Variants in PLEKHG1 observed in about 807,000 individuals in gnomAD.
The protein encoded by PLEKHG1 is pleckstrin homology and RhoGEF domain containing G1.
PLEKHG1 carries 44 observed loss-of-function variants against 100.8 expected under a neutral mutation model. The observed-to-expected ratio is 0.44, with a 90% CI of 0.34 to 0.56. The LOEUF (loss-of-function observed/expected upper bound fraction) is 0.56. PLEKHG1 is among the 20% of genes least tolerant of loss of function. The probability of loss-of-function intolerance (pLI) is 0.01; values close to 1 mark genes in which losing one functional copy is unlikely to be tolerated. For synonymous variants in PLEKHG1, 640 were observed against 662.5 expected, an observed-to-expected ratio of 0.97 and a Z score of 0.52; for missense variants, 1,545 against 1,720.9, an observed-to-expected ratio of 0.90 and a Z score of 1.81.
chr6:150,653,887 C>T (rs1778852238), intron 3 of PLEKHG1, among the ~76,000 whole-genome samples: 1 of 152,114 alleles, frequency 6.6e-6, no homozygotes, highest in Non-Finnish European at 1.5e-5. Flanking sequence ...GGTTAGATGG[C>T]CGTAGTTGTT....
chr6:150,776,784 C>T (rs931009610), intron 3 of PLEKHG1, among the ~76,000 whole-genome samples: 3 of 151,256 alleles, frequency 2.0e-5, no homozygotes, highest in South Asian at 2.1e-4. Context: ...AATCCTGGTG[C>T]ACATGTGCGG....
intron 6 of PLEKHG1, 69 bp from the exon 8 acceptor site, chr6:150,804,541 C>A: frequency 8.1e-7 from 1 of 1,240,034 alleles, no homozygotes. Flanking sequence ...CATAGCGGTG[C>A]CATTTGTTTC....
At chr6:150,716,017 A>G (rs1781419625) in intron 3 of PLEKHG1, among the ~76,000 whole-genome samples, 1 of 148,854 alleles carries the variant, frequency 6.7e-6, no homozygotes, top group Non-Finnish European at 1.5e-5. Flanking sequence ...CTGAGGCAGG[A>G]GAATGGCGTG....
At chr6:150,768,827 C>T (rs1784574036) in intron 3 of PLEKHG1, 89 bp downstream of exon 4, 1 of 740,730 alleles carries the variant, frequency 1.4e-6, no homozygotes, top group Non-Finnish European at 2.4e-6. Flanking sequence ...TACCTGTAAC[C>T]CCTGACTCAG....
intron 3 of PLEKHG1, among the ~76,000 whole-genome samples, chr6:150,693,970 G>T (rs1237516362): frequency 6.6e-6 from 1 of 152,182 alleles, no homozygotes; most frequent in Non-Finnish European, 1.5e-5. Flanking sequence ...GTCGGTACAG[G>T]CTTTGTGTAT....
At chr6:150,830,910 G>T (rs200864410) in exon 15 of PLEKHG1, 17 of 1,614,022 alleles carry the variant, frequency 1.1e-5, no homozygotes, top group Non-Finnish European at 1.4e-5. Context: ...GAGACCTCCA[G>T]CTCTGGTCAC....
intron 3 of PLEKHG1, among the ~76,000 whole-genome samples, chr6:150,657,615 A>T (rs1779019188): frequency 6.6e-6 from 1 of 152,190 alleles, no homozygotes; most frequent in Admixed American, 6.5e-5. Flanking sequence ...TTCCCTTAAT[A>T]TGTTTCAAGG....
chr6:150,813,308 A>AT (rs1046290065), intron 10 of PLEKHG1, among the ~76,000 whole-genome samples: 46 of 151,434 alleles, frequency 3.0e-4, no homozygotes, highest in African/African-American at 1.0e-3. Flanking sequence ...CTGTCTCAAA[A>AT]AAAAAAAAAA....
chr6:150,777,455 T>C (rs1785046628), intron 3 of PLEKHG1, among the ~76,000 whole-genome samples: 2 of 146,820 alleles, frequency 1.4e-5, no homozygotes, highest in South Asian at 4.3e-4. Context: ...CGGTTGCACA[T>C]CAGCCACACT....
At chr6:150,812,124 C>T (rs899562234) in intron 10 of PLEKHG1, among the ~76,000 whole-genome samples, 16 of 152,028 alleles carry the variant, frequency 1.1e-4, no homozygotes, top group African/African-American at 3.9e-4. Context: ...GGAGAGGAAC[C>T]TGTGAGATGG....
chr6:150,786,094 G>A (rs1785607119), intron 3 of PLEKHG1, among the ~76,000 whole-genome samples: 1 of 151,792 alleles, frequency 6.6e-6, no homozygotes, highest in African/African-American at 2.4e-5. Context: ...ATGTCTGAAT[G>A]AGCATGGGTG....
intron 2 of PLEKHG1, among the ~76,000 whole-genome samples, chr6:150,649,408 A>G (rs947106849): frequency 6.6e-6 from 1 of 152,216 alleles, no homozygotes; most frequent in Non-Finnish European, 1.5e-5. Flanking sequence ...CACCAGTGCT[A>G]TTGTGTATCT....
At chr6:150,719,818 T>C (rs1313310400), upstream of PLEKHG1, among the ~76,000 whole-genome samples, 1 of 152,196 alleles carries the variant, frequency 6.6e-6, no homozygotes, top group East Asian at 1.9e-4. Flanking sequence ...GCATGCTGGA[T>C]TTACTGATTT....
intron 1 of PLEKHG1, among the ~76,000 whole-genome samples, chr6:150,733,150 T>C (rs1446306711): frequency 2.0e-5 from 3 of 152,198 alleles, no homozygotes; most frequent in Admixed American, 6.5e-5. Context: ...CCCTTTTAAG[T>C]TCGTTAAGAA....
intron 3 of PLEKHG1, among the ~76,000 whole-genome samples, chr6:150,778,079 T>C (rs1445691043): frequency 1.3e-5 from 2 of 152,236 alleles, no homozygotes; most frequent in Non-Finnish European, 2.9e-5. Flanking sequence ...GTGGCTTCCT[T>C]TGTATACCTC....
At position 150,761,099 on chromosome 6, in the gene PLEKHG1, CTT is replaced by C. The variant is rs35068801; in HGVS notation, c.412-7516_412-7515del. 9.7e-3 allele frequency among the ~76,000 whole-genome samples: 931 copies of C among 95,866 alleles called. 6 individuals carry two copies. The highest frequency in any genetic ancestry group is 0.036 in the African/African-American group (857 of 24,036). 62.9% of individuals were successfully genotyped at this position (95,866 alleles called of 152,430 possible). ...AAACAATTGATTTCTTTCTTTTTTT[CTT>C]TTTTTTTTTTTTTTTTTTTTTTGAG... is the stretch of plus-strand genomic sequence containing the variant. On this transcript the variant is annotated intron_variant, in intron 2 of 15. Transcript: ENST00000358517.
chr6:150,675,497 T>C (rs192547558), intron 3 of PLEKHG1, among the ~76,000 whole-genome samples: 2 of 152,260 alleles, frequency 1.3e-5, no homozygotes, highest in East Asian at 3.9e-4. Context: ...CCTACAACCT[T>C]ATCTTTCAGT....
chr6:150,824,471 CGTT>C (rs1025881503), intron 14 of PLEKHG1, among the ~76,000 whole-genome samples: 1 of 152,014 alleles, frequency 6.6e-6, no homozygotes. Context: ...TGTTGATAAA[CGTT>C]GTATCTTTCC....
intron 3 of PLEKHG1, among the ~76,000 whole-genome samples, chr6:150,700,949 T>G (rs1780749550): frequency 7.0e-6 from 1 of 142,656 alleles, no homozygotes; most frequent in Admixed American, 6.7e-5. Flanking sequence ...TGTATAGCTT[T>G]ATTTCCCATA....
Sources: gnomAD v4.1 joint callset for allele counts (sites outside exome capture counted in the v4.1 genomes callset) on GRCh38, gnomAD v4.1.1 for gene constraint, MANE v1.5 for transcripts, NCBI Gene and HGNC (gene_info 2026-07-23, HGNC 2026-07-21) for gene names.